The following PCDHGA1 variants were observed in gnomAD, a reference collection of about 807,000 sequenced individuals.
PCDHGA1 encodes protocadherin gamma subfamily A, 1, also known as protocadherin gamma-A1.
PCDHGA1 carries 32 observed loss-of-function variants against 58.0 expected under a neutral mutation model. The observed-to-expected ratio is 0.55, with a 90% confidence interval of 0.42 to 0.74. The LOEUF (loss-of-function observed/expected upper bound fraction) is 0.74, where lower values mean the gene tolerates loss of function less well. Among genes scored for constraint, PCDHGA1 ranks in the 30% least tolerant of loss-of-function variants. PCDHGA1 has a pLI of 0.00. For synonymous variants in PCDHGA1, 498 were observed against 501.1 expected (o/e 0.99, Z 0.08); for missense variants, 1,205 against 1,182.3 (o/e 1.02, Z -0.28).
intron 1 of PCDHGA1, chr5:141,344,132 C>A (rs1216708631): frequency 1.9e-6 from 3 of 1,613,918 alleles, no homozygotes; most frequent in Non-Finnish European, 2.5e-6. Flanking sequence ...AGATCCGCTA[C>A]TCGGTGTCTG....
At chr5:141,467,491 A>T (rs2154569531) in intron 1 of PCDHGA1, among the ~76,000 whole-genome samples, 1 of 152,224 alleles carries the variant, frequency 6.6e-6, no homozygotes, top group Admixed American at 6.5e-5. Flanking sequence ...CCACATTTAG[A>T]TCCCTGATCT....
chr5:141,435,973 G>T (rs1420195337), intron 1 of PCDHGA1, among the ~76,000 whole-genome samples: 1 of 152,028 alleles, frequency 6.6e-6, no homozygotes, highest in East Asian at 1.9e-4. Context: ...AGAGTGTGTG[G>T]TTCTACTTGT....
chr5:141,509,811 C>T (rs1321920000), intron 3 of PCDHGA1, among the ~76,000 whole-genome samples: 1 of 152,168 alleles, frequency 6.6e-6, no homozygotes, highest in African/African-American at 2.4e-5. Flanking sequence ...TAGAGCCGAG[C>T]TCTTCTCCAT....
At chr5:141,356,453 A>T (rs757674087) in intron 1 of PCDHGA1, 1 of 1,613,360 alleles carries the variant, frequency 6.2e-7, no homozygotes. Context: ...GTCTCAGAAT[A>T]TAACATCACT....
At position 141,495,662 on chromosome 5, in the gene PCDHGA1, C is replaced by T. The variant is rs545912968; in HGVS notation, c.2480+797C>T. The stretch of plus-strand genomic sequence containing the variant: ...TTTGTCTACTTGCATTGATCTGTGC[C>T]GCCCACTGTGCCTGCCATGGCATAA... On this transcript the variant is annotated intron_variant, in intron 2 of 3. Coordinates refer to ENST00000517417, the MANE Select transcript of PCDHGA1 (RefSeq NM_018912.3). Among the ~76,000 whole-genome samples, 8 of 152,256 alleles carry T rather than the reference C, an allele frequency of 5.3e-5. No individual in the cohort carries two copies. In the South Asian group the frequency reaches 6.2e-4, roughly 12 times the overall value.
chr5:141,502,785 A>G (rs576095718), intron 2 of PCDHGA1, among the ~76,000 whole-genome samples: 2 of 150,900 alleles, frequency 1.3e-5, no homozygotes, highest in East Asian at 3.9e-4. Context: ...AATTACCTGG[A>G]TGATTTCTTC....
At chr5:141,369,230 G>A (rs1003711294) in intron 1 of PCDHGA1, among the ~76,000 whole-genome samples, 4 of 152,068 alleles carry the variant, frequency 2.6e-5, no homozygotes, top group Non-Finnish European at 4.4e-5. Flanking sequence ...TGGACAGGAA[G>A]ATTACTTATA....
At chr5:141,333,971 AT>A (rs1257824537) in intron 1 of PCDHGA1, 3 of 152,252 alleles carry the variant, frequency 2.0e-5, no homozygotes, top group African/African-American at 7.2e-5. Flanking sequence ...CTGTAATGAA[AT>A]CAGCTAACAA....
At chr5:141,381,785 G>T (rs1349926565) in intron 1 of PCDHGA1, among the ~76,000 whole-genome samples, 1 of 149,782 alleles carries the variant, frequency 6.7e-6, no homozygotes, top group Non-Finnish European at 1.5e-5. Context: ...CAGGAACAAG[G>T]CAAGGCAATT....
At chr5:141,423,485 C>T (rs752918607) in intron 1 of PCDHGA1, 30 of 1,613,840 alleles carry the variant, frequency 1.9e-5, no homozygotes, top group Non-Finnish European at 2.2e-5. Context: ...TTCCTGCAAA[C>T]CTATTCCCAC....
intron 2 of PCDHGA1, among the ~76,000 whole-genome samples, chr5:141,501,942 C>T (rs1012840550): frequency 2.6e-5 from 4 of 152,136 alleles, no homozygotes; most frequent in Non-Finnish European, 4.4e-5. Context: ...CACCACTGCT[C>T]CCTGTGACAG....
At chr5:141,394,072 T>C (rs1384581843) in intron 1 of PCDHGA1, 4 of 1,613,840 alleles carry the variant, frequency 2.5e-6, no homozygotes, top group Non-Finnish European at 3.4e-6. Context: ...ATCTACAATA[T>C]CACAGTGATG....
At chr5:141,501,146 T>C (rs2299023) in intron 2 of PCDHGA1, among the ~76,000 whole-genome samples, 88,663 of 152,012 alleles carry the variant, frequency 0.58, 27,355 homozygotes, top group African/African-American at 0.78. Context: ...GGATTACAGG[T>C]GGGAGCCACC....
At chr5:141,428,245 C>A in intron 1 of PCDHGA1, 1 of 948,140 alleles carries the variant, frequency 1.1e-6, no homozygotes, top group South Asian at 1.4e-5. Flanking sequence ...GGAGGCACTG[C>A]CAGACTTCAG....
intron 1 of PCDHGA1, chr5:141,356,089 C>T (rs1490232734): frequency 1.2e-6 from 2 of 1,613,748 alleles, no homozygotes; most frequent in Admixed American, 3.3e-5. Context: ...GTTGAATTCT[C>T]TGAGTGGGGA....
At chr5:141,403,121 C>G in intron 1 of PCDHGA1, 1 of 1,614,046 alleles carries the variant, frequency 6.2e-7, no homozygotes, top group South Asian at 1.1e-5. Flanking sequence ...TCTGGAGCCC[C>G]GGGAGCTGGC....
At chr5:141,433,401 A>ATCTATCTATCTC (rs1444244130) in intron 1 of PCDHGA1, among the ~76,000 whole-genome samples, 15 of 150,598 alleles carry the variant, frequency 1.0e-4, no homozygotes, top group African/African-American at 3.4e-4. Flanking sequence ...CTATCTATCT[A>ATCTATCTATCTC]TCTATTACTT....
At chr5:141,357,307 G>A (rs764785344) in intron 1 of PCDHGA1, 6 of 1,614,042 alleles carry the variant, frequency 3.7e-6, no homozygotes, top group East Asian at 2.2e-5. Flanking sequence ...TGTCTCCTGC[G>A]TCTTCCTGGC....
rs539372561 is a variant in PCDHGA1, at chr5:141,379,222, GT to G, written c.2421+46122del. On this transcript the variant is annotated intron_variant, in intron 1 of 3. Coordinates refer to ENST00000517417, the MANE Select transcript of PCDHGA1 (RefSeq NM_018912.3). ...AAATAAGCTGCTAAGAGTAATATGT[GT>G]TTTTCTGAACCAATATTGTGGTATT... 26 of 152,080 alleles carry G rather than the reference GT, an allele frequency of 1.7e-4. 1 individual carries two copies. The highest frequency in any genetic ancestry group is 3.1e-4 in the Non-Finnish European group (21 of 67,992). The allele number at this position is 152,080 out of a possible 1,614,324, so 9.4% of individuals were successfully genotyped here. A position where few individuals can be genotyped will look rare whatever the true frequency, so the allele number is the denominator to read the frequency against.
Sources: gnomAD v4.1 joint callset for allele counts (sites outside exome capture counted in the v4.1 genomes callset) on GRCh38, gnomAD v4.1.1 for gene constraint, MANE v1.5 for transcripts, NCBI Gene and HGNC (gene_info 2026-07-23, HGNC 2026-07-21) for gene names.